DRC11: variants seen among roughly 807,000 people sequenced by gnomAD.
DRC11 encodes IQ and AAA domain-containing protein 1.
the DRC11 span, among the ~76,000 whole-genome samples, chr2:236,350,337 G>T: frequency 6.6e-6 from 1 of 152,174 alleles, no homozygotes; most frequent in African/African-American, 2.4e-5. This position sits in a 1 kb window ranked among gnomAD's most constrained non-coding sequence, Gnocchi z 5.2. Flanking sequence ...GCAGCTTTGG[G>T]GGCACACAGG....
chr2:236,500,444 C>T, the DRC11 span, among the ~76,000 whole-genome samples: 5 of 152,080 alleles, frequency 3.3e-5, no homozygotes, highest in African/African-American at 9.7e-5. This position sits in a 1 kb window ranked among gnomAD's most constrained non-coding sequence, Gnocchi z 6.3. Context: ...ACAGACTGAG[C>T]GTAAAAACCA....
the DRC11 span, chr2:236,465,475 T>A: frequency 1.3e-6 from 2 of 1,580,832 alleles, no homozygotes; most frequent in East Asian, 4.5e-5. This position sits in a 1 kb window ranked among gnomAD's most constrained non-coding sequence, Gnocchi z 6.2. Context: ...AAGAACAGAC[T>A]GGATATGTCA....
At chr2:236,357,752 AT>A in the DRC11 span, among the ~76,000 whole-genome samples, 1 of 126,922 alleles carries the variant, frequency 7.9e-6, no homozygotes, top group African/African-American at 3.1e-5. Flanking sequence ...ATGTAAATAT[AT>A]AAATATACAT....
chr2:236,447,068 C>A, the DRC11 span, among the ~76,000 whole-genome samples: 2 of 151,532 alleles, frequency 1.3e-5, no homozygotes, highest in Admixed American at 6.5e-5. The surrounding 1 kb of genome is among the most constrained non-coding windows in gnomAD (Gnocchi z 4.6). Context: ...GAGCTCCCAG[C>A]CTCCTCCAGT....
chr2:236,473,457 A>G, the DRC11 span, among the ~76,000 whole-genome samples: 6 of 152,238 alleles, frequency 3.9e-5, no homozygotes, highest in African/African-American at 7.2e-5. The surrounding 1 kb of genome is among the most constrained non-coding windows in gnomAD (Gnocchi z 4.8). Flanking sequence ...GAAAGTGAAC[A>G]GGGTTTTACG....
At chr2:236,404,606 C>T in the DRC11 span, among the ~76,000 whole-genome samples, 33 of 152,338 alleles carry the variant, frequency 2.2e-4, no homozygotes, top group Non-Finnish European at 4.0e-4. Flanking sequence ...TTGGCCTTTG[C>T]GGCATGTGAA....
the DRC11 span, chr2:236,391,141 A>G: frequency 6.6e-6 from 1 of 152,202 alleles, no homozygotes; most frequent in Admixed American, 6.5e-5. The surrounding 1 kb of genome is among the most constrained non-coding windows in gnomAD (Gnocchi z 4.5). Flanking sequence ...TTCAGCTTAC[A>G]GTGAAAGATC....
the DRC11 span, among the ~76,000 whole-genome samples, chr2:236,398,955 C>CT: frequency 6.6e-6 from 1 of 151,962 alleles, no homozygotes; most frequent in Admixed American, 6.6e-5. The surrounding 1 kb of genome is among the most constrained non-coding windows in gnomAD (Gnocchi z 6.2). Flanking sequence ...TGCATCTTGC[C>CT]TTTTAACCAA....
chr2:236,323,524 A>G, the DRC11 span, among the ~76,000 whole-genome samples: 1 of 152,294 alleles, frequency 6.6e-6, no homozygotes, highest in Admixed American at 6.5e-5. This position sits in a 1 kb window ranked among gnomAD's most constrained non-coding sequence, Gnocchi z 6.4. Flanking sequence ...CCCAATTTGT[A>G]TCAGTCTGCT....
chr2:236,466,092 GTT>G, the DRC11 span, among the ~76,000 whole-genome samples: 5 of 148,240 alleles, frequency 3.4e-5, no homozygotes, highest in African/African-American at 1.2e-4. Context: ...ACACTTTCTT[GTT>G]TTTTTTTTCT....
chr2:236,358,423 A>C, the DRC11 span, among the ~76,000 whole-genome samples: 1 of 138,654 alleles, frequency 7.2e-6, no homozygotes, highest in Non-Finnish European at 1.5e-5. Context: ...ATGATATATG[A>C]ATATATATCA....
the DRC11 span, among the ~76,000 whole-genome samples, chr2:236,474,802 C>T: frequency 2.6e-5 from 4 of 151,922 alleles, no homozygotes; most frequent in African/African-American, 9.7e-5. Flanking sequence ...TTTAATATTA[C>T]TTTTTTTGTT....
the DRC11 span, among the ~76,000 whole-genome samples, chr2:236,464,453 T>A: frequency 6.6e-6 from 1 of 152,152 alleles, no homozygotes; most frequent in Non-Finnish European, 1.5e-5. Flanking sequence ...TAAAATTGAT[T>A]TAAAATCTCT....
At chr2:236,461,393 T>C in the DRC11 span, among the ~76,000 whole-genome samples, 1 of 152,258 alleles carries the variant, frequency 6.6e-6, no homozygotes, top group East Asian at 1.9e-4. This position sits in a 1 kb window ranked among gnomAD's most constrained non-coding sequence, Gnocchi z 4.0. Context: ...TTTAATTCTT[T>C]TGAAACAATG....
At chr2:236,455,343 C>A in the DRC11 span, among the ~76,000 whole-genome samples, 4 of 152,198 alleles carry the variant, frequency 2.6e-5, no homozygotes, top group African/African-American at 9.6e-5. This position sits in a 1 kb window ranked among gnomAD's most constrained non-coding sequence, Gnocchi z 5.7. Flanking sequence ...CTTGGGTTCC[C>A]ATGACAGCTT....
At chr2:236,491,378 T>C in the DRC11 span, among the ~76,000 whole-genome samples, 2 of 149,844 alleles carry the variant, frequency 1.3e-5, no homozygotes, top group African/African-American at 2.5e-5. Context: ...CCCTGGCACA[T>C]GTGAAATGAG....
the DRC11 span, chr2:236,408,636 A>G: frequency 2.8e-6 from 2 of 723,534 alleles, no homozygotes; most frequent in South Asian, 2.8e-5. This position sits in a 1 kb window ranked among gnomAD's most constrained non-coding sequence, Gnocchi z 5.5. Flanking sequence ...GTCCTGCTCC[A>G]GCTGCTTCTT....
At chr2:236,336,734 C>A in the DRC11 span, among the ~76,000 whole-genome samples, 1 of 152,166 alleles carries the variant, frequency 6.6e-6, no homozygotes, top group African/African-American at 2.4e-5. The surrounding 1 kb of genome is among the most constrained non-coding windows in gnomAD (Gnocchi z 7.3). Context: ...TCTGTAACAC[C>A]AACAGCACCA....
the DRC11 span, among the ~76,000 whole-genome samples, chr2:236,364,585 A>C: frequency 6.8e-6 from 1 of 146,936 alleles, no homozygotes; most frequent in Admixed American, 6.7e-5. Flanking sequence ...GGAGTCATTC[A>C]GAGGTTCATG....
Sources: gnomAD v4.1 joint callset for allele counts (sites outside exome capture counted in the v4.1 genomes callset) on GRCh38, gnomAD v4.1.1 for gene constraint, Gnocchi (gnomAD v3.1) non-coding constraint, MANE v1.5 for transcripts, NCBI Gene and HGNC (gene_info 2026-07-23, HGNC 2026-07-21) for gene names.